The following MAPRE2 variants were observed in gnomAD, a reference collection of about 807,000 sequenced individuals.
The protein encoded by MAPRE2 is microtubule-associated protein RP/EB family member 2.
MAPRE2 carries 13 observed loss-of-function variants against 43.2 expected under a neutral mutation model. That is an observed-to-expected ratio of 0.30 (90% CI 0.20 to 0.48). The LOEUF is 0.48. Ranked by LOEUF, MAPRE2 falls within the 20% of genes least tolerant of loss-of-function variation. The pLI is 0.99. For missense variants in MAPRE2, 161 were observed against 400.2 expected, an observed-to-expected ratio of 0.40 and a Z score of 5.10; for synonymous variants, 135 against 148.8, an observed-to-expected ratio of 0.91 and a Z score of 0.68.
intron 2 of MAPRE2, among the ~76,000 whole-genome samples, chr18:35,036,383 T>C (rs1026209733): frequency 6.6e-6 from 1 of 152,200 alleles, no homozygotes; most frequent in African/African-American, 2.4e-5. Flanking sequence ...CAGACTTTTT[T>C]GTTATGGTGC....
At chr18:35,115,473 C>T (rs2144211655) in intron 4 of MAPRE2, among the ~76,000 whole-genome samples, 1 of 152,288 alleles carries the variant, frequency 6.6e-6, no homozygotes, top group South Asian at 2.1e-4. Context: ...ATCACCTGAG[C>T]AGTATACACT....
At chr18:35,007,503 A>C (rs2097032384) in intron 2 of MAPRE2, among the ~76,000 whole-genome samples, 1 of 152,236 alleles carries the variant, frequency 6.6e-6, no homozygotes, top group South Asian at 2.1e-4. Context: ...AAACTGTTCA[A>C]CTCATTGTAG....
intron 2 of MAPRE2, among the ~76,000 whole-genome samples, chr18:35,011,350 G>T (rs143154622): frequency 2.0e-5 from 3 of 152,330 alleles, no homozygotes; most frequent in African/African-American, 7.2e-5. Flanking sequence ...TGGGCAGAAA[G>T]AGTAGCAGCT....
intron 2 of MAPRE2, among the ~76,000 whole-genome samples, chr18:35,079,781 C>T (rs939140302): frequency 1.3e-5 from 2 of 152,178 alleles, no homozygotes; most frequent in African/African-American, 4.8e-5. Flanking sequence ...AACAGGAAAG[C>T]TTCGTAGAGG....
intron 1 of MAPRE2, among the ~76,000 whole-genome samples, chr18:35,056,754 T>A (rs1568986970): frequency 6.6e-6 from 1 of 152,230 alleles, no homozygotes; most frequent in Non-Finnish European, 1.5e-5. Flanking sequence ...TATCTTTGAA[T>A]GCTTATTAAC....
intron 2 of MAPRE2, among the ~76,000 whole-genome samples, chr18:35,011,258 G>A (rs565018415): frequency 1.3e-5 from 2 of 152,196 alleles, no homozygotes; most frequent in Non-Finnish European, 1.5e-5. Context: ...AAGTTTCGAG[G>A]CGTCTAATCT....
intron 1 of MAPRE2, among the ~76,000 whole-genome samples, chr18:34,978,056 G>A (rs989769665): frequency 1.3e-5 from 2 of 152,194 alleles, no homozygotes; most frequent in Non-Finnish European, 2.9e-5. Flanking sequence ...AGAAGCCTTT[G>A]TCTTAACCCC....
chr18:35,069,558 C>T (rs1277112837), intron 1 of MAPRE2, among the ~76,000 whole-genome samples: 1 of 152,074 alleles, frequency 6.6e-6, no homozygotes, highest in Non-Finnish European at 1.5e-5. Flanking sequence ...ATTCTTGAAT[C>T]CAAGGGGTAA....
At chr18:35,132,522 T>C (rs1199148409) in intron 6 of MAPRE2, among the ~76,000 whole-genome samples, 1 of 152,190 alleles carries the variant, frequency 6.6e-6, no homozygotes, top group Non-Finnish European at 1.5e-5. Flanking sequence ...GATTCCTCCT[T>C]CTTCATGCAA....
chr18:35,053,710 G>A (rs1906070491), intron 1 of MAPRE2, among the ~76,000 whole-genome samples: 2 of 152,140 alleles, frequency 1.3e-5, no homozygotes, highest in South Asian at 2.1e-4. Flanking sequence ...GATACCATAT[G>A]TTCTCACAAG....
intron 2 of MAPRE2, among the ~76,000 whole-genome samples, chr18:35,022,931 A>G (rs2097042843): frequency 6.6e-6 from 1 of 152,230 alleles, no homozygotes; most frequent in Admixed American, 6.5e-5. Context: ...AACTATTACC[A>G]ATAAAATTCA....
chr18:35,007,478 T>C (rs1392926886), intron 2 of MAPRE2, among the ~76,000 whole-genome samples: 1 of 152,258 alleles, frequency 6.6e-6, no homozygotes, highest in African/African-American at 2.4e-5. Flanking sequence ...TTGCTGGTCA[T>C]ACAAGTCTCA....
At chr18:35,041,258 C>G, upstream of MAPRE2, 1 of 1,282,742 alleles carries the variant, frequency 7.8e-7, no homozygotes, top group Non-Finnish European at 1.0e-6. Context: ...CTGGCGTGGT[C>G]ACGCCGCGAC....
chr18:34,980,023 C>CTTTTTTTCTTTTCTTTTTTTTT (rs2097015266), intron 1 of MAPRE2, among the ~76,000 whole-genome samples: 1 of 132,506 alleles, frequency 7.5e-6, no homozygotes, highest in African/African-American at 2.9e-5. Context: ...TTTTCTTTTT[C>CTTTTTTTCTTTTCTTTTTTTTT]TTTTTTTCTT....
intron 2 of MAPRE2, among the ~76,000 whole-genome samples, chr18:35,036,021 C>A (rs780428711): frequency 6.7e-6 from 1 of 150,236 alleles, no homozygotes; most frequent in Non-Finnish European, 1.5e-5. Context: ...TAGTATTTAC[C>A]ACTAGCATGT....
At chr18:35,123,199 C>T (rs541992348) in intron 4 of MAPRE2, among the ~76,000 whole-genome samples, 55 of 152,288 alleles carry the variant, frequency 3.6e-4, no homozygotes, top group South Asian at 8.3e-4. Context: ...TCAAACATTT[C>T]AGTTTTTTTT....
chr18:35,136,925 T>C (rs1441631572), intron 6 of MAPRE2, among the ~76,000 whole-genome samples: 1 of 152,232 alleles, frequency 6.6e-6, no homozygotes, highest in African/African-American at 2.4e-5. Flanking sequence ...ATTAGAATTA[T>C]TAGGTGATGC....
At chr18:35,025,754 A>G (rs1367350766) in intron 2 of MAPRE2, among the ~76,000 whole-genome samples, 2 of 152,238 alleles carry the variant, frequency 1.3e-5, no homozygotes, top group Non-Finnish European at 2.9e-5. Flanking sequence ...CCAGTGGAAT[A>G]ATCAGATGTA....
At chr18:35,043,120 A>C (rs1168417925) in intron 1 of MAPRE2, among the ~76,000 whole-genome samples, 1 of 152,170 alleles carries the variant, frequency 6.6e-6, no homozygotes, top group Non-Finnish European at 1.5e-5. Flanking sequence ...TTCCTCCACA[A>C]CTTCTGGAGA....
Sources: gnomAD v4.1 joint callset for allele counts (sites outside exome capture counted in the v4.1 genomes callset) on GRCh38, gnomAD v4.1.1 for gene constraint, MANE v1.5 for transcripts, NCBI Gene and HGNC (gene_info 2026-07-23, HGNC 2026-07-21) for gene names.